NLRC5: variants seen among roughly 807,000 people sequenced by gnomAD.
NLRC5 encodes NLR family CARD domain containing 5.
Under a neutral mutation model 206.9 loss-of-function variants are expected in NLRC5, and 114 were observed. The ratio of observed to expected loss-of-function variants is 0.55; its 90% CI spans 0.47 to 0.64. NLRC5 has a LOEUF of 0.64. Ranked by LOEUF, NLRC5 falls within the 30% of genes least tolerant of loss-of-function variation. The pLI, the probability that NLRC5 is intolerant of heterozygous loss-of-function variation, is 0.00. For missense variants in NLRC5, 2,008 were observed against 2,305.5 expected, an observed-to-expected ratio of 0.87 and a Z score of 2.64; for synonymous variants, 952 against 962.8, an observed-to-expected ratio of 0.99 and a Z score of 0.21.
intron 27 of NLRC5, among the ~76,000 whole-genome samples, chr16:57,056,816 G>A (rs2065732332): frequency 6.6e-6 from 1 of 151,938 alleles, no homozygotes; most frequent in Non-Finnish European, 1.5e-5. Flanking sequence ...GAGCCACCAT[G>A]CCTGGCTAAT....
At chr16:57,010,078 G>A (rs1170574877) in intron 1 of NLRC5, among the ~76,000 whole-genome samples, 10 of 152,216 alleles carry the variant, frequency 6.6e-5, no homozygotes, top group Admixed American at 6.5e-4. Flanking sequence ...AAGGAAGCAT[G>A]AAGCTGCCCC....
Position 57,040,280 on chromosome 16 carries a change from C to T in NLRC5, c.2871-370C>T, listed in dbSNP as rs142442520. ...GGGTAGAGACTCAGCTCTTTGCTCC[C>T]GGAGCCCACCCACAATCTCTTCTGT... On this transcript the variant is annotated intron_variant, in intron 16 of 48. Transcript: ENST00000688547. Among the ~76,000 whole-genome samples the T allele has an allele frequency of 4.6e-3, 694 of 152,284 alleles. 3 individuals carry two copies. The highest frequency in any genetic ancestry group is 0.016 in the African/African-American group (662 of 41,550).
At chr16:57,030,356 C>T (rs143255368) in intron 10 of NLRC5, among the ~76,000 whole-genome samples, 1 of 72,274 alleles carries the variant, frequency 1.4e-5, no homozygotes, top group Non-Finnish European at 2.9e-5. Flanking sequence ...GAATGGATGG[C>T]TGAAAAGATG....
At chr16:57,045,543 G>A (rs372882503) in intron 21 of NLRC5, 51 bp downstream of exon 21, 302 of 1,577,856 alleles carry the variant, frequency 1.9e-4, no homozygotes, top group Middle Eastern at 4.1e-4. Flanking sequence ...TCTGGTCCCC[G>A]TCTGTTGGAG....
chr16:57,055,115 C>A (rs1375468650), intron 26 of NLRC5, 21 bp downstream of exon 26: 2 of 1,613,590 alleles, frequency 1.2e-6, no homozygotes, highest in South Asian at 2.2e-5. Context: ...TTGAACCATG[C>A]CTAGGCAGCT....
Position 57,069,732 on chromosome 16 carries a change from C to T in NLRC5, c.4500-104C>T, listed in dbSNP as rs369403770. On this transcript the variant is annotated intron_variant, in intron 36 of 48. Transcript: ENST00000688547. ...GGGAAGGAGGTCTCCTCACATTGCCCGCCACATCCCTACCCCACATCCTTG... is the reference window on the plus strand; with the variant it reads ...GGGAAGGAGGTCTCCTCACATTGCCTGCCACATCCCTACCCCACATCCTTG... 3.7e-4 allele frequency: 324 copies of T among 881,690 alleles called. 2 individuals are homozygous for T. The East Asian group carries it at 6.0e-3, about 16-fold the overall frequency. The allele number at this position is 881,690 out of a possible 1,614,324, so 54.6% of individuals were successfully genotyped here.
At chr16:57,052,289 G>A (rs2065027053) in intron 24 of NLRC5, among the ~76,000 whole-genome samples, 1 of 152,106 alleles carries the variant, frequency 6.6e-6, no homozygotes, top group Admixed American at 6.5e-5. Context: ...CCTGGCCAAT[G>A]TGGTGAAACC....
At chr16:57,043,182 C>T (rs8062446) in intron 19 of NLRC5, among the ~76,000 whole-genome samples, 58,078 of 151,940 alleles carry the variant, frequency 0.38, 11,268 homozygotes, top group African/African-American at 0.43. Context: ...GTCCTGGGTA[C>T]CACCCCTCCC....
Position 57,039,823 on chromosome 16 carries a change from A to G in NLRC5, c.2844A>G (p.Pro948=), listed in dbSNP as rs2063059685. ...TGATCTTCATGTTTGCCCAGGAGCC[A>G]GAGGAGCAGAAGGGGCCCCAGGAGA... ...KTVIFMFAQE[P]EEQKGPQERA... is the part of the protein sequence containing the mutation. Residue 948 remains proline (P), a synonymous_variant, in exon 16 of 49, where the codon CCA becomes CCG. Transcript: ENST00000688547. The G allele has an allele frequency of 6.2e-7, 1 of 1,614,210 alleles. No individual in the cohort carries two copies. The highest frequency in any genetic ancestry group is 1.3e-5 in the African/African-American group (1 of 75,060).
At position 57,078,101 on chromosome 16, in the gene NLRC5, T is replaced by G; in HGVS notation, c.5081+81T>G. 1.7e-6 allele frequency: 2 copies of G among 1,155,980 alleles called. 1 individual carries two copies. The highest frequency in any genetic ancestry group is 3.2e-5 in the South Asian group (2 of 62,786). 71.6% of individuals were successfully genotyped at this position (1,155,980 alleles called of 1,614,324 possible). On this transcript the variant is annotated intron_variant, in intron 43 of 48. Coordinates refer to ENST00000688547, the MANE Select transcript of NLRC5 (RefSeq NM_001384950.1). The stretch of plus-strand genomic sequence containing the variant: ...AGCAGTGGGGGGGTCCAGGCCCCCA[T>G]CAGTTGAGCTGCCCTGCCCCAAGTC...
At chr16:57,028,417 G>C (rs746353515) in intron 8 of NLRC5, 32 bp downstream of exon 8, 4 of 1,555,068 alleles carry the variant, frequency 2.6e-6, no homozygotes, top group Admixed American at 1.7e-5. Flanking sequence ...TCACTGACTG[G>C]GGAGATGAGC....
chr16:57,076,497 C>T (rs2068419976), intron 39 of NLRC5, among the ~76,000 whole-genome samples: 2 of 152,240 alleles, frequency 1.3e-5, no homozygotes, highest in South Asian at 4.1e-4. Flanking sequence ...GACACAGAGG[C>T]TGAGGTGAAG....
chr16:57,074,856 CCAT>C (rs1368075869), intron 39 of NLRC5, among the ~76,000 whole-genome samples, 173 bp downstream of exon 39: 1 of 152,148 alleles, frequency 6.6e-6, no homozygotes, highest in Non-Finnish European at 1.5e-5. Flanking sequence ...CCTTCTAATG[CCAT>C]CAGCTTCCTC....
Position 57,020,937 on chromosome 16 carries a change from T to G in NLRC5, c.225T>G (p.Cys75Trp), listed in dbSNP as rs1241417035. The change falls in exon 3 of 49, where the codon TGT (cysteine) becomes TGG (tryptophan). Residue 75 changes from cysteine to tryptophan, a missense_variant. By Grantham distance (215) the Cys-to-Trp change is radical (BLOSUM62 -2). Coordinates refer to ENST00000688547, the MANE Select transcript of NLRC5 (RefSeq NM_001384950.1). ...ACACCTGGCAGTCTTTCATTCATTG[T>G]GTGTGCATGCAGCTGGAGGTGCCTC... The part of the protein sequence containing the change: ...GSDTWQSFIH[C>W]VCMQLEVPLD... 1 of 1,614,048 alleles carries G rather than the reference T, an allele frequency of 6.2e-7. No individual in the cohort carries two copies. The highest frequency in any genetic ancestry group is 1.7e-5 in the Admixed American group (1 of 60,016).
At chr16:57,069,300 A>G (rs2067382342) in intron 36 of NLRC5, among the ~76,000 whole-genome samples, 1 of 152,182 alleles carries the variant, frequency 6.6e-6, no homozygotes, top group African/African-American at 2.4e-5. Flanking sequence ...TGATTACACC[A>G]AGAAGAAACT....
chr16:57,077,922 C>T, intron 42 of NLRC5, 21 bp from the exon 43 acceptor site: 1 of 1,612,910 alleles, frequency 6.2e-7, no homozygotes, highest in Non-Finnish European at 8.5e-7. Context: ...GTACTCAATG[C>T]TCATTCCTCT....
At chr16:57,009,903 C>G (rs968726789) in intron 1 of NLRC5, among the ~76,000 whole-genome samples, 8 of 152,216 alleles carry the variant, frequency 5.3e-5, no homozygotes, top group Middle Eastern at 3.4e-3. Flanking sequence ...ATAGCTGACT[C>G]CTGCGTGGAG....
In NLRC5 at chr16:57,000,815, C is replaced by T. The variant is rs189413741; in HGVS notation, c.-128+11198C>T. ...CATTTGTGGGCGGGGGAGGAAATGG[C>T]CACTAACCATTCCTGAAGGCACCTC... On this transcript the variant is annotated intron_variant, in intron 1 of 48. Coordinates refer to ENST00000688547, the MANE Select transcript of NLRC5 (RefSeq NM_001384950.1). 5.4e-3 allele frequency among the ~76,000 whole-genome samples: 823 copies of T among 152,264 alleles called. 3 individuals are homozygous for T. Among genetic ancestry groups the T allele is most frequent in the Non-Finnish European group, 8.1e-3 (550 of 68,012 alleles).
intron 2 of NLRC5, among the ~76,000 whole-genome samples, chr16:57,019,938 C>T (rs1365540845): frequency 2.6e-5 from 4 of 152,118 alleles, no homozygotes; most frequent in Non-Finnish European, 5.9e-5. Flanking sequence ...TGCATCCTCA[C>T]GGGACTGTCC....
Sources: gnomAD v4.1 joint callset for allele counts (sites outside exome capture counted in the v4.1 genomes callset) on GRCh38, gnomAD v4.1.1 for gene constraint, MANE v1.5 for transcripts, NCBI Gene and HGNC (gene_info 2026-07-23, HGNC 2026-07-21) for gene names.